TCF20: variants seen among roughly 807,000 people sequenced by gnomAD.
TCF20 encodes SPRE-binding protein.
A neutral mutation model predicts 148.6 loss-of-function variants in TCF20; 3 were observed. The observed-to-expected ratio is 0.02, with a 90% CI of 0.01 to 0.05. The LOEUF is 0.05. Among genes scored for constraint, TCF20 ranks in the 10% least tolerant of loss-of-function variants. The pLI, the probability that TCF20 is intolerant of heterozygous loss-of-function variation, is 1.00. For missense variants in TCF20, 2,350 were observed against 2,429.3 expected, an observed-to-expected ratio of 0.97 and a Z score of 0.69; for synonymous variants, 1,049 against 909.5, an observed-to-expected ratio of 1.15 and a Z score of -2.76.
intron 1 of TCF20, among the ~76,000 whole-genome samples, chr22:42,333,090 C>T (rs58655134): frequency 0.052 from 7,899 of 152,296 alleles, 317 homozygotes; most frequent in African/African-American, 0.11. Flanking sequence ...AGCCTGGCTG[C>T]GTCACTCTGC....
At chr22:42,303,423 C>A (rs1305892784) in intron 1 of TCF20, among the ~76,000 whole-genome samples, 12 of 152,256 alleles carry the variant, frequency 7.9e-5, no homozygotes, top group African/African-American at 2.7e-4. Context: ...ACACTCCGAG[C>A]GTTCGCTCGG....
At chr22:42,280,523 T>C (rs1246147434) in intron 1 of TCF20, among the ~76,000 whole-genome samples, 1 of 152,240 alleles carries the variant, frequency 6.6e-6, no homozygotes, top group Non-Finnish European at 1.5e-5. Flanking sequence ...GTTTCTAGGC[T>C]GCCCTGGCCC....
chr22:42,233,677 T>C (rs139768854), intron 1 of TCF20, among the ~76,000 whole-genome samples: 12 of 152,216 alleles, frequency 7.9e-5, no homozygotes, highest in African/African-American at 2.9e-4. Context: ...CTGGGTGAAT[T>C]AAGTTGACAA....
At chr22:42,302,130 G>A (rs1362788576) in intron 1 of TCF20, among the ~76,000 whole-genome samples, 4 of 152,194 alleles carry the variant, frequency 2.6e-5, no homozygotes, top group Non-Finnish European at 5.9e-5. Context: ...GTCTGGGAGA[G>A]CTGAGGGGCC....
chr22:42,256,278 A>G, intron 1 of TCF20, among the ~76,000 whole-genome samples: 1 of 152,200 alleles, frequency 6.6e-6, no homozygotes, highest in East Asian at 1.9e-4. Flanking sequence ...TCTAAGGAAA[A>G]GTGAAGTGTT....
chr22:42,257,499 G>A (rs1037777412), intron 1 of TCF20, among the ~76,000 whole-genome samples: 3 of 152,030 alleles, frequency 2.0e-5, no homozygotes, highest in Non-Finnish European at 4.4e-5. Context: ...TCTAATATAC[G>A]GCTAGAGATG....
chr22:42,333,144 G>A lies in TCF20; in HGVS notation c.-37+10335C>T, dbSNP rs567980354. On this transcript the variant is annotated intron_variant, in intron 1 of 1. Transcript: ENST00000515426. ...TTGCATTGGCAAAATGCAATGGCAG[G>A]AGCTGCCCCACTGTGCAGAGGCTTT... is the stretch of plus-strand genomic sequence containing the variant. Among the ~76,000 whole-genome samples the A allele has an allele frequency of 7.2e-5, 11 of 152,398 alleles. No homozygotes were observed. The East Asian group carries it at 2.1e-3, about 29-fold the overall frequency.
At chr22:42,170,335 TAA>T (rs71803379) in intron 3 of TCF20, among the ~76,000 whole-genome samples, 26,849 of 139,064 alleles carry the variant, frequency 0.19, 2,674 homozygotes, top group East Asian at 0.34. Flanking sequence ...CTGTCACTAT[TAA>T]AAAAAAAAAA....
intron 1 of TCF20, among the ~76,000 whole-genome samples, chr22:42,237,226 C>G (rs573088522): frequency 2.0e-5 from 3 of 152,306 alleles, no homozygotes; most frequent in Admixed American, 6.5e-5. Flanking sequence ...ATGTAATATT[C>G]TAAATCTTTC....
At chr22:42,289,547 T>C (rs1927095557) in intron 1 of TCF20, among the ~76,000 whole-genome samples, 1 of 152,168 alleles carries the variant, frequency 6.6e-6, no homozygotes, top group Non-Finnish European at 1.5e-5. Context: ...GAATGATGCA[T>C]CCTGTTCTAC....
rs182359921 is a variant in TCF20 at position 42,314,893 on chromosome 22, C to T, written c.-37+28586G>A. Among the ~76,000 whole-genome samples the T allele has an allele frequency of 3.3e-5, 5 of 152,214 alleles. No individual in the cohort carries two copies. In the East Asian group the frequency reaches 5.8e-4, roughly 18 times the overall value. On this transcript the variant is annotated intron_variant, in intron 1 of 1. Transcript: ENST00000515426. ...AGCCCCGACCCAGGGAGGAGGGGAG[C>T]GGCTGAATGAGGGGAGGTGGCAGAG...
At chr22:42,276,009 G>A (rs185891185) in intron 1 of TCF20, among the ~76,000 whole-genome samples, 5 of 152,306 alleles carry the variant, frequency 3.3e-5, no homozygotes, top group East Asian at 1.9e-4. Context: ...GGGCCCCTGC[G>A]TTGCTTTGTT....
At chr22:42,319,043 G>C (rs970932747) in intron 1 of TCF20, among the ~76,000 whole-genome samples, 8 of 152,214 alleles carry the variant, frequency 5.3e-5, no homozygotes, top group African/African-American at 1.7e-4. Flanking sequence ...TACTAGGGGG[G>C]CATGAGAGGA....
chr22:42,324,053 T>A (rs1161944088), intron 1 of TCF20, among the ~76,000 whole-genome samples: 4 of 134,756 alleles, frequency 3.0e-5, no homozygotes, highest in East Asian at 2.1e-4. Context: ...GTGGTGGTGG[T>A]GGTGGTGATG....
Position 42,209,888 on chromosome 22 carries a change from G to T in TCF20, c.5418C>A (p.Leu1806=). ...CCTCAGTGGCTGCTTTTTTACAAGG[G>T]AGCCCCCTGGACAGGGACCGAGGGC... ...GGGPRSLSRG[L]PCKKAATEGS... The change falls in exon 2 of 6, where the codon CTC becomes CTA. Residue 1806 remains leucine, a synonymous_variant. Coordinates refer to ENST00000677622, the MANE Select transcript of TCF20 (RefSeq NM_001378418.1). The T allele has an allele frequency of 6.2e-7, 1 of 1,614,122 alleles. No homozygotes were observed. Among genetic ancestry groups the T allele is most frequent in the Non-Finnish European group, 8.5e-7 (1 of 1,180,028 alleles).
chr22:42,230,442 T>C (rs1923297607), intron 1 of TCF20, among the ~76,000 whole-genome samples: 1 of 152,352 alleles, frequency 6.6e-6, no homozygotes, highest in East Asian at 1.9e-4. Flanking sequence ...ACATATCCTA[T>C]GTAGAATTCT....
chr22:42,307,156 T>A lies in TCF20; in HGVS notation c.-37+36323A>T, dbSNP rs570862549. 5.3e-5 allele frequency among the ~76,000 whole-genome samples: 8 copies of A among 151,680 alleles called. 1 individual carries two copies. In the East Asian group the frequency reaches 1.6e-3, roughly 29 times the overall value. On this transcript the variant is annotated intron_variant, in intron 1 of 1. Transcript: ENST00000515426. ...CGACAGCATGGGGTTGCCCCTGAGA[T>A]GCACCAAGGGAGGCAGCAGCAGAGG...
chr22:42,337,326 C>G (rs934245841), intron 1 of TCF20, among the ~76,000 whole-genome samples: 4 of 152,088 alleles, frequency 2.6e-5, no homozygotes, highest in Admixed American at 6.5e-5. Context: ...GCCTGTCCCT[C>G]CCCCAGTCTT....
intron 2 of TCF20, among the ~76,000 whole-genome samples, chr22:42,199,966 T>C (rs113685416): frequency 6.6e-6 from 1 of 151,304 alleles, no homozygotes; most frequent in Non-Finnish European, 1.5e-5. Flanking sequence ...TCTCTGGGTT[T>C]TTTTTTATAA....
Sources: gnomAD v4.1 joint callset for allele counts (sites outside exome capture counted in the v4.1 genomes callset) on GRCh38, gnomAD v4.1.1 for gene constraint, MANE v1.5 for transcripts, NCBI Gene and HGNC (gene_info 2026-07-23, HGNC 2026-07-21) for gene names.